MALRD1: variants seen among roughly 807,000 people sequenced by gnomAD.
The protein encoded by MALRD1 is MAM and LDL-receptor class A domain-containing protein 1.
In MALRD1, 247 loss-of-function variants were observed where a neutral mutation model predicts 242.1. The ratio of observed to expected loss-of-function variants is 1.02; its 90% CI spans 0.92 to 1.13. The LOEUF is 1.13. Among genes scored for constraint, MALRD1 ranks in the 50% most tolerant of loss-of-function variants. The probability of loss-of-function intolerance (pLI) is 0.00; values close to 1 mark genes in which losing one functional copy is unlikely to be tolerated. For missense variants in MALRD1, 2,989 were observed against 2,533.1 expected (o/e 1.18, Z -3.86); for synonymous variants, 995 against 866.6 (o/e 1.15, Z -2.60).
intron 28 of MALRD1, among the ~76,000 whole-genome samples, chr10:19,394,415 A>G (rs897434770): frequency 6.6e-6 from 1 of 152,144 alleles, no homozygotes; most frequent in Admixed American, 6.6e-5. Context: ...TTATCTAACA[A>G]TTTTGCTATG....
At chr10:19,674,241 C>T (rs559725965) in intron 36 of MALRD1, among the ~76,000 whole-genome samples, 145 of 152,180 alleles carry the variant, frequency 9.5e-4, no homozygotes, top group African/African-American at 3.4e-3. Flanking sequence ...AGTTCAGAGG[C>T]CAGAAAACAC....
chr10:19,248,724 A>T (rs1839171199), intron 18 of MALRD1, among the ~76,000 whole-genome samples: 1 of 151,506 alleles, frequency 6.6e-6, no homozygotes, highest in Non-Finnish European at 1.5e-5. Context: ...GGGCCTATGG[A>T]TGAGTTATTT....
chr10:19,052,178 G>A, intron 1 of MALRD1: 1 of 388,428 alleles, frequency 2.6e-6, no homozygotes, highest in South Asian at 2.0e-5. Flanking sequence ...AAAATAAACA[G>A]TATTACAGCA....
At chr10:19,655,620 T>C (rs971507732) in intron 36 of MALRD1, among the ~76,000 whole-genome samples, 1 of 147,360 alleles carries the variant, frequency 6.8e-6, no homozygotes, top group African/African-American at 2.5e-5. Context: ...TATAACATAA[T>C]TGCTTTGTGA....
chr10:19,243,559 T>A lies in MALRD1; in HGVS notation c.2992-14125T>A, dbSNP rs561047583. Among the ~76,000 whole-genome samples the A allele has an allele frequency of 4.0e-5, 6 of 151,666 alleles. No homozygotes were observed. In the South Asian group the frequency reaches 1.0e-3, roughly 26 times the overall value. ...ATTATCCTCAGACGTAATTCTTTGA[T>A]TTTTTTTTCTTTTCATGTTGTTACA... On this transcript the variant is annotated intron_variant, in intron 18 of 39. Coordinates refer to ENST00000454679, the MANE Select transcript of MALRD1 (RefSeq NM_001142308.3).
At chr10:19,418,026 C>G (rs565948725) in intron 28 of MALRD1, among the ~76,000 whole-genome samples, 2 of 152,018 alleles carry the variant, frequency 1.3e-5, no homozygotes, top group South Asian at 2.1e-4. Context: ...ATTAATTTCT[C>G]TAAAGGAAAA....
At position 19,280,223 on chromosome 10, in the gene MALRD1, G is replaced by A. The variant is rs1035075791; in HGVS notation, c.3256G>A (p.Val1086Ile). 7 of 1,485,374 alleles carry A rather than the reference G, an allele frequency of 4.7e-6. No individual in the cohort carries two copies. Among genetic ancestry groups the A allele is most frequent in the African/African-American group, 1.4e-5 (1 of 70,184 alleles). The allele number at this position is 1,485,374 out of a possible 1,614,324, so 92.0% of individuals were successfully genotyped here. Residue 1086 changes from valine to isoleucine, a missense_variant and splice_region_variant, in exon 20 of 40, where the codon GTT (valine) becomes ATT (isoleucine). Physicochemically the swap from Val to Ile is conservative, Grantham distance 29. Coordinates refer to ENST00000454679, the MANE Select transcript of MALRD1 (RefSeq NM_001142308.3). Reference sequence around the variant, plus strand: ...TGACAAATCAGATGAAGCATCCTGTGGTAGGTGGATTCTTAAAATTTGTTT... The same window carrying A: ...TGACAAATCAGATGAAGCATCCTGTAGTAGGTGGATTCTTAAAATTTGTTT... ...CPDKSDEASC[V>I]MEVCSFEKRS...
chr10:19,677,299 C>T (rs913356544), intron 36 of MALRD1, among the ~76,000 whole-genome samples: 1 of 152,086 alleles, frequency 6.6e-6, no homozygotes, highest in African/African-American at 2.4e-5. Flanking sequence ...AAAAGCATTC[C>T]CGTTTCTCCA....
intron 38 of MALRD1, among the ~76,000 whole-genome samples, chr10:19,703,904 T>C (rs544021711): frequency 9.9e-5 from 15 of 151,912 alleles, no homozygotes; most frequent in Non-Finnish European, 1.9e-4. Context: ...CAAAAACAAA[T>C]AAATAAATAA....
intron 32 of MALRD1, among the ~76,000 whole-genome samples, chr10:19,536,555 CT>C (rs1018147555): frequency 2.6e-4 from 39 of 152,034 alleles, no homozygotes; most frequent in African/African-American, 9.4e-4. Context: ...AATCAGTCCC[CT>C]ATCTCTCTAT....
At chr10:19,669,194 G>A (rs1405327867) in intron 36 of MALRD1, among the ~76,000 whole-genome samples, 1 of 152,234 alleles carries the variant, frequency 6.6e-6, no homozygotes, top group African/African-American at 2.4e-5. Flanking sequence ...CTCTCTAGAA[G>A]CTAGAAGTTA....
rs1232370077 is a variant in MALRD1 at position 19,615,895 on chromosome 10, G to A, written c.6109G>A (p.Val2037Ile). 6 of 1,532,362 alleles carry A rather than the reference G, an allele frequency of 3.9e-6. No individual in the cohort carries two copies. In the Admixed American group the frequency reaches 5.9e-5, roughly 15 times the overall value. The allele number at this position is 1,532,362 out of a possible 1,614,324, so 94.9% of individuals were successfully genotyped here. A position where few individuals can be genotyped will look rare whatever the true frequency, so the allele number is the denominator to read the frequency against. ...TTACTGCAGAAATGGTGGGACTTGT[G>A]TAGTGGAGAAAAATGGTCCTATGTG... ...LNYCRNGGTC[V>I]VEKNGPMCRC... Residue 2037 changes from valine (V) to isoleucine (I), a missense_variant, in exon 36 of 40, where the codon GTA (valine) becomes ATA (isoleucine). Physicochemically the swap from Val to Ile is conservative, Grantham distance 29. Transcript: ENST00000454679.
chr10:19,364,284 T>G (rs749043786), intron 26 of MALRD1, among the ~76,000 whole-genome samples: 2 of 152,296 alleles, frequency 1.3e-5, no homozygotes, highest in Non-Finnish European at 2.9e-5. Flanking sequence ...TTACTTGATA[T>G]GCTAACTTAA....
chr10:19,205,313 T>A, intron 17 of MALRD1, 48 bp downstream of exon 17: 1 of 1,478,748 alleles, frequency 6.8e-7, no homozygotes, highest in Non-Finnish European at 8.9e-7. Flanking sequence ...TTGAAAGTGT[T>A]GACCTTGATG....
At chr10:19,056,648 T>C (rs1834678018) in intron 1 of MALRD1, among the ~76,000 whole-genome samples, 1 of 152,184 alleles carries the variant, frequency 6.6e-6, no homozygotes, top group Non-Finnish European at 1.5e-5. Flanking sequence ...CTTTTACTTC[T>C]TTCTTTCTGA....
At chr10:19,110,512 G>C (rs1299733472) in intron 5 of MALRD1, among the ~76,000 whole-genome samples, 1 of 152,170 alleles carries the variant, frequency 6.6e-6, no homozygotes, top group Non-Finnish European at 1.5e-5. Flanking sequence ...TAATTAAAGT[G>C]TCGTCCTCAA....
At position 19,203,734 on chromosome 10, in the gene MALRD1, A is replaced by G; in HGVS notation, c.1958A>G (p.Lys653Arg). The change falls in exon 15 of 40, where the codon AAG becomes AGG. Residue 653 changes from lysine (K) to arginine (R), a missense_variant. Lys to Arg is a conservative substitution (Grantham distance 26). Coordinates refer to ENST00000454679, the MANE Select transcript of MALRD1 (RefSeq NM_001142308.3). ...CCACATTTTTGTTCTTCAGTTTCCAAGTGTGACTTTGAAGCAAACAGCTGT... is the reference window on the plus strand; with the variant it reads ...CCACATTTTTGTTCTTCAGTTTCCAGGTGTGACTTTGAAGCAAACAGCTGT... The part of the protein sequence containing the change: ...PRTSTQSKFS[K>R]CDFEANSCDW... 1 of 1,534,254 alleles carries G rather than the reference A, an allele frequency of 6.5e-7. No homozygotes were observed. The highest frequency in any genetic ancestry group is 8.8e-7 in the Non-Finnish European group (1 of 1,136,030).
intron 4 of MALRD1, among the ~76,000 whole-genome samples, chr10:19,103,432 G>A (rs1836340920): frequency 6.6e-6 from 1 of 151,400 alleles, no homozygotes. Context: ...GCGGTGGTGG[G>A]CGCCTGTAGT....
chr10:19,730,766 C>T lies in MALRD1; in HGVS notation c.6375C>T (p.Asn2125=), dbSNP rs924250095. The change falls in exon 39 of 40, where the codon AAC becomes AAT. Residue 2125 remains asparagine (N), a synonymous_variant. Coordinates refer to ENST00000454679, the MANE Select transcript of MALRD1 (RefSeq NM_001142308.3). ...FVNPVYGNWS[N]PEKTESSVYS... ...ATCCAGTTTACGGGAACTGGAGCAA[C>T]CCAGAGAAAACAGAGGTAAGTGGCA... 16 of 1,536,436 alleles carry T rather than the reference C, an allele frequency of 1.0e-5. No homozygotes were observed. In the Admixed American group the frequency reaches 2.4e-4, roughly 23 times the overall value.
Sources: gnomAD v4.1 joint callset for allele counts (sites outside exome capture counted in the v4.1 genomes callset) on GRCh38, gnomAD v4.1.1 for gene constraint, MANE v1.5 for transcripts, NCBI Gene and HGNC (gene_info 2026-07-23, HGNC 2026-07-21) for gene names.